The following MPHOSPH6 variants were observed in gnomAD, a reference collection of about 807,000 sequenced individuals.
MPHOSPH6 encodes M-phase phosphoprotein 6.
A neutral mutation model predicts 21.8 loss-of-function variants in MPHOSPH6; 25 were observed. That is an observed-to-expected ratio of 1.15 (90% CI 0.83 to 1.60). MPHOSPH6 has a LOEUF of 1.60. Among genes scored for constraint, MPHOSPH6 ranks in the 40% most tolerant of loss-of-function variants. The pLI is 0.00. For missense variants in MPHOSPH6, 269 were observed against 181.8 expected, an observed-to-expected ratio of 1.48 and a Z score of -2.76; for synonymous variants, 84 against 56.5, an observed-to-expected ratio of 1.49 and a Z score of -2.18.
At position 82,149,735 on chromosome 16, in the gene MPHOSPH6, C is replaced by T. The variant is rs372183135; in HGVS notation, c.256-332G>A. Among the ~76,000 whole-genome samples the T allele has an allele frequency of 7.2e-5, 11 of 152,256 alleles. No homozygotes were observed. The East Asian group carries it at 1.4e-3, about 19-fold the overall frequency. On this transcript the variant is annotated intron_variant, in intron 3 of 4. Coordinates refer to ENST00000258169, the MANE Select transcript of MPHOSPH6 (RefSeq NM_005792.2). ...AGTGGGGGAAGAAATAATAAACTTT[C>T]AGATTTTCCCTGAACTTCCCCCACC... is the stretch of plus-strand genomic sequence containing the variant.
chr16:82,152,142 T>G (rs1906284348), intron 2 of MPHOSPH6, among the ~76,000 whole-genome samples: 1 of 152,226 alleles, frequency 6.6e-6, no homozygotes, highest in African/African-American at 2.4e-5. Context: ...CAGTCTTTTT[T>G]GTACTTGCAT....
chr16:82,166,566 C>T (rs976754703), intron 1 of MPHOSPH6, among the ~76,000 whole-genome samples: 2 of 152,194 alleles, frequency 1.3e-5, no homozygotes, highest in Non-Finnish European at 2.9e-5. Flanking sequence ...TCTCCCAGGA[C>T]TACGATTCTG....
At chr16:82,164,004 G>A (rs892458194) in intron 2 of MPHOSPH6, 78 bp downstream of exon 2, 28 of 908,778 alleles carry the variant, frequency 3.1e-5, no homozygotes, top group East Asian at 1.5e-4. Context: ...TTATGTCACC[G>A]GAATGATGAG....
At chr16:82,158,930 A>C (rs747307890) in intron 2 of MPHOSPH6, among the ~76,000 whole-genome samples, 2 of 151,376 alleles carry the variant, frequency 1.3e-5, no homozygotes, top group African/African-American at 4.8e-5. Context: ...GGATGTTAAG[A>C]AATCATATAC....
At chr16:82,159,771 G>A (rs143200130) in intron 2 of MPHOSPH6, among the ~76,000 whole-genome samples, 22 of 152,140 alleles carry the variant, frequency 1.4e-4, no homozygotes, top group Non-Finnish European at 2.5e-4. Context: ...GAGAACCACT[G>A]TGATTTTGGT....
intron 1 of MPHOSPH6, among the ~76,000 whole-genome samples, chr16:82,165,122 T>TG (rs1906728044): frequency 3.3e-5 from 1 of 29,902 alleles, no homozygotes; most frequent in Non-Finnish European, 7.1e-5. Context: ...TTCTTTTTTA[T>TG]TTTTTTTTTT....
chr16:82,156,101 C>T (rs1343190590), intron 2 of MPHOSPH6, among the ~76,000 whole-genome samples: 1 of 151,976 alleles, frequency 6.6e-6, no homozygotes, highest in Non-Finnish European at 1.5e-5. Flanking sequence ...AGACGAGAGT[C>T]ATAAGGAATT....
intron 2 of MPHOSPH6, among the ~76,000 whole-genome samples, chr16:82,156,780 A>C (rs1217897112): frequency 6.6e-6 from 1 of 152,206 alleles, no homozygotes; most frequent in East Asian, 1.9e-4. Context: ...AAGCGTAAAA[A>C]AACAGGCTGG....
chr16:82,161,263 A>G (rs1906598374), intron 2 of MPHOSPH6, among the ~76,000 whole-genome samples: 1 of 152,206 alleles, frequency 6.6e-6, no homozygotes, highest in Non-Finnish European at 1.5e-5. Context: ...GTGGAAGGAA[A>G]GGCTATTGTC....
Position 82,151,518 on chromosome 16 carries a change from A to C in MPHOSPH6, c.165-4T>G. ...CTGCTCTTCTATTATGAAACTCCTAAATGGGAAAATAAAAATAGCATTTCT... is the reference window on the plus strand; with the variant it reads ...CTGCTCTTCTATTATGAAACTCCTACATGGGAAAATAAAAATAGCATTTCT... On this transcript the variant is annotated splice_polypyrimidine_tract_variant and splice_region_variant and intron_variant, in intron 2 of 4. Coordinates refer to ENST00000258169, the MANE Select transcript of MPHOSPH6 (RefSeq NM_005792.2). 1 of 1,570,860 alleles carries C rather than the reference A, an allele frequency of 6.4e-7. No individual in the cohort carries two copies. Among genetic ancestry groups the C allele is most frequent in the African/African-American group, 1.4e-5 (1 of 72,856 alleles).
intron 2 of MPHOSPH6, among the ~76,000 whole-genome samples, chr16:82,159,411 A>T (rs564159784): frequency 6.7e-6 from 1 of 149,572 alleles, no homozygotes; most frequent in Non-Finnish European, 1.5e-5. Context: ...TTCTAAATAA[A>T]TTTTTTTTTT....
intron 1 of MPHOSPH6, among the ~76,000 whole-genome samples, chr16:82,167,900 C>T (rs1020826696): frequency 2.0e-5 from 3 of 152,132 alleles, no homozygotes; most frequent in Non-Finnish European, 2.9e-5. Flanking sequence ...GGGACCCATG[C>T]TATATAGGAC....
chr16:82,165,480 G>T (rs1158498652), intron 1 of MPHOSPH6, among the ~76,000 whole-genome samples: 1 of 151,872 alleles, frequency 6.6e-6, no homozygotes, highest in Non-Finnish European at 1.5e-5. Flanking sequence ...AGCCTTTTTA[G>T]GCATAAGCAC....
At chr16:82,158,368 G>A (rs1176180217) in intron 2 of MPHOSPH6, among the ~76,000 whole-genome samples, 9 of 151,308 alleles carry the variant, frequency 5.9e-5, no homozygotes, top group Non-Finnish European at 1.3e-4. Flanking sequence ...GCATAGCGGC[G>A]GGTGCCTGTA....
chr16:82,156,877 C>A (rs1377979473), intron 2 of MPHOSPH6, among the ~76,000 whole-genome samples: 1 of 151,954 alleles, frequency 6.6e-6, no homozygotes, highest in East Asian at 1.9e-4. Context: ...ACCAGCCTGG[C>A]CAACATGGTC....
At chr16:82,161,454 G>A (rs1335823367) in intron 2 of MPHOSPH6, among the ~76,000 whole-genome samples, 1 of 151,950 alleles carries the variant, frequency 6.6e-6, no homozygotes, top group Non-Finnish European at 1.5e-5. Flanking sequence ...CGGCAAAGGA[G>A]GAATTAAACT....
chr16:82,157,669 G>C (rs1159629776), intron 2 of MPHOSPH6, among the ~76,000 whole-genome samples: 1 of 149,962 alleles, frequency 6.7e-6, no homozygotes, highest in Non-Finnish European at 1.5e-5. Context: ...GGGAGATACT[G>C]AGGGCAGACT....
intron 1 of MPHOSPH6, 32 bp from the exon 2 acceptor site, chr16:82,164,226 C>T (rs1020992699): frequency 6.8e-7 from 1 of 1,463,944 alleles, no homozygotes; most frequent in African/African-American, 1.4e-5. Flanking sequence ...ATGTCAGAAA[C>T]TTTTCCCATT....
chr16:82,149,154 C>A (rs749794275), intron 4 of MPHOSPH6, among the ~76,000 whole-genome samples, 155 bp downstream of exon 4: 15 of 152,306 alleles, frequency 9.8e-5, no homozygotes, highest in Middle Eastern at 3.4e-3. Context: ...AGGTCTGTGG[C>A]CCCCGTAGGC....
Sources: gnomAD v4.1 joint callset for allele counts (sites outside exome capture counted in the v4.1 genomes callset) on GRCh38, gnomAD v4.1.1 for gene constraint, MANE v1.5 for transcripts, NCBI Gene and HGNC (gene_info 2026-07-23, HGNC 2026-07-21) for gene names.